RAB3IP: variants seen among roughly 807,000 people sequenced by gnomAD.
RAB3IP encodes the protein RAB3A interacting protein, also known as rab-3A-interacting protein.
RAB3IP carries 36 observed loss-of-function variants against 59.1 expected under a neutral mutation model. The observed-to-expected ratio is 0.61, with a 90% confidence interval of 0.47 to 0.80. RAB3IP has a LOEUF of 0.80. RAB3IP is among the 30% of genes least tolerant of loss of function. RAB3IP has a pLI of 0.00. For missense variants in RAB3IP, 511 were observed against 536.0 expected, an observed-to-expected ratio of 0.95 and a Z score of 0.46; for synonymous variants, 207 against 191.2, an observed-to-expected ratio of 1.08 and a Z score of -0.68.
intron 3 of RAB3IP, among the ~76,000 whole-genome samples, chr12:69,760,272 C>T (rs147179688): frequency 3.9e-5 from 6 of 152,234 alleles, no homozygotes; most frequent in Admixed American, 6.5e-5. Flanking sequence ...AGCAGGCACT[C>T]GGCAGGCTGA....
intron 3 of RAB3IP, among the ~76,000 whole-genome samples, chr12:69,760,162 A>C (rs370781710): frequency 6.6e-6 from 1 of 152,240 alleles, no homozygotes; most frequent in Non-Finnish European, 1.5e-5. Flanking sequence ...CGGATCACTC[A>C]CGGTTAGGAG....
At chr12:69,783,284 G>A (rs1158647040) in intron 3 of RAB3IP, among the ~76,000 whole-genome samples, 1 of 152,106 alleles carries the variant, frequency 6.6e-6, no homozygotes, top group East Asian at 1.9e-4. Flanking sequence ...GGTCAAAAAG[G>A]TTTTTCTTTT....
chr12:69,800,184 T>C (rs1160715442), intron 6 of RAB3IP, 25 bp from the exon 7 acceptor site: 6 of 1,491,190 alleles, frequency 4.0e-6, no homozygotes, highest in Admixed American at 2.6e-5. Flanking sequence ...AAAACATGTT[T>C]TTGTGTTTTC....
downstream of RAB3IP, chr12:69,823,202 T>G (rs1881953936): frequency 1.3e-5 from 2 of 152,290 alleles, no homozygotes; most frequent in East Asian, 3.9e-4. Context: ...ACCCACTGTT[T>G]AAGTGTATCT....
chr12:69,810,449 C>G (rs921608461), intron 8 of RAB3IP, among the ~76,000 whole-genome samples: 9 of 152,192 alleles, frequency 5.9e-5, no homozygotes, highest in Non-Finnish European at 1.2e-4. Flanking sequence ...AGAAATCACC[C>G]GTCTTCTGTG....
Position 69,741,098 on chromosome 12 carries a change from T to A in RAB3IP, c.-26+2067T>A, listed in dbSNP as rs189524025. Among the ~76,000 whole-genome samples, 22 of 152,332 alleles carry A rather than the reference T, an allele frequency of 1.4e-4. No homozygotes were observed. The East Asian group carries it at 3.9e-3, about 27-fold the overall frequency. On this transcript the variant is annotated intron_variant, in intron 1 of 10. Transcript: ENST00000247833. The stretch of plus-strand genomic sequence containing the variant: ...TTTCAACCTAATATGAACTTCATAA[T>A]GGTAAGATGAGGATTTAATAACATA...
In RAB3IP at chr12:69,809,723, G is replaced by C. The variant is rs146819983; in HGVS notation, c.1131-3055G>C. Among the ~76,000 whole-genome samples the C allele has an allele frequency of 4.4e-3, 675 of 152,264 alleles. 5 individuals are homozygous for C. The highest frequency in any genetic ancestry group is 0.016 in the African/African-American group (653 of 41,542). On this transcript the variant is annotated intron_variant, in intron 8 of 10. Coordinates refer to ENST00000247833, the MANE Select transcript of RAB3IP (RefSeq NM_022456.5). ...CTGAGGCTTGTGCATTCGTCACGTA[G>C]TTCTCATGCCATGGTTTTCAGCTCC...
upstream of RAB3IP, chr12:69,738,786 A>G (rs1193124515): frequency 3.6e-5 from 5 of 140,176 alleles, no homozygotes; most frequent in Non-Finnish European, 7.8e-5. Context: ...CCTGCCGGCC[A>G]CACCCCCCTA....
intron 3 of RAB3IP, among the ~76,000 whole-genome samples, chr12:69,762,790 A>G (rs1398189866): frequency 6.7e-6 from 1 of 148,236 alleles, no homozygotes; most frequent in Non-Finnish European, 1.5e-5. Context: ...GAAAAAAGAG[A>G]AAAAGAGAAA....
chr12:69,800,520 T>A (rs1341366141), intron 7 of RAB3IP, among the ~76,000 whole-genome samples, 183 bp downstream of exon 7: 1 of 152,184 alleles, frequency 6.6e-6, no homozygotes, highest in Non-Finnish European at 1.5e-5. Context: ...TTACTGAACA[T>A]CTTTTCTTAT....
At chr12:69,780,766 A>G (rs181205926) in intron 3 of RAB3IP, among the ~76,000 whole-genome samples, 2 of 151,880 alleles carry the variant, frequency 1.3e-5, no homozygotes, top group East Asian at 3.9e-4. Flanking sequence ...GGGCAGATGA[A>G]GCTTGCTGCC....
intron 1 of RAB3IP, among the ~76,000 whole-genome samples, chr12:69,750,549 T>G (rs1195421350): frequency 6.6e-6 from 1 of 151,586 alleles, no homozygotes; most frequent in East Asian, 1.9e-4. Flanking sequence ...CCTCGTTTTT[T>G]TTTTTTTTTT....
chr12:69,806,686 G>A (rs1343069251), intron 8 of RAB3IP, among the ~76,000 whole-genome samples: 2 of 150,812 alleles, frequency 1.3e-5, no homozygotes, highest in South Asian at 2.1e-4. Flanking sequence ...ATAAACACGT[G>A]AACAAAGGTC....
At chr12:69,788,776 A>G (rs530539841) in intron 4 of RAB3IP, among the ~76,000 whole-genome samples, 98 of 152,240 alleles carry the variant, frequency 6.4e-4, no homozygotes, top group Middle Eastern at 6.8e-3. Flanking sequence ...GTGCACATGA[A>G]ACATTCTCCA....
At position 69,785,634 on chromosome 12, in the gene RAB3IP, T is replaced by C. The variant is rs546212053; in HGVS notation, c.606+819T>C. On this transcript the variant is annotated intron_variant, in intron 4 of 10. Transcript: ENST00000247833. ...GGAGCGGCACCCTTTTTTGTTCTAT[T>C]CAGGCCATCAACTGATTGGATGAGG... Among the ~76,000 whole-genome samples, 20 of 152,296 alleles carry C rather than the reference T, an allele frequency of 1.3e-4. No individual in the cohort carries two copies. The East Asian group carries it at 1.5e-3, about 12-fold the overall frequency.
At position 69,771,735 on chromosome 12, in the gene RAB3IP, G is replaced by C. The variant is rs1268316007; in HGVS notation, c.511-12985G>C. Reference sequence around the variant, plus strand: ...AACCTCCATACTGTTGTCTGTAATGGCTGTACTAATTTATATTACCACCAA... The same window carrying C: ...AACCTCCATACTGTTGTCTGTAATGCCTGTACTAATTTATATTACCACCAA... On this transcript the variant is annotated intron_variant, in intron 3 of 10. Transcript: ENST00000247833. Among the ~76,000 whole-genome samples the C allele has an allele frequency of 3.3e-5, 5 of 152,100 alleles. No homozygotes were observed. In the East Asian group the frequency reaches 7.7e-4, roughly 23 times the overall value.
At chr12:69,768,264 G>T (rs1002861020) in intron 3 of RAB3IP, among the ~76,000 whole-genome samples, 2 of 152,074 alleles carry the variant, frequency 1.3e-5, no homozygotes. Flanking sequence ...CACAGTCTAT[G>T]TCCAGGAAAG....
intron 1 of RAB3IP, among the ~76,000 whole-genome samples, chr12:69,747,110 TTAGTGA>T (rs1318798279): frequency 6.6e-6 from 1 of 152,220 alleles, no homozygotes; most frequent in African/African-American, 2.4e-5. Context: ...CTTTTTGTTC[TTAGTGA>T]TAGTGCTTGT....
chr12:69,739,691 C>G lies in RAB3IP; in HGVS notation c.-26+660C>G, dbSNP rs937398598. Reference sequence around the variant, plus strand: ...AGCTCCGTGCCGCCAGACTTGTGTTCGGGGGAGTTGAGACGAACTGCACGG... The same window carrying G: ...AGCTCCGTGCCGCCAGACTTGTGTTGGGGGGAGTTGAGACGAACTGCACGG... On this transcript the variant is annotated intron_variant, in intron 1 of 10. Transcript: ENST00000247833. 32 of 713,896 alleles carry G rather than the reference C, an allele frequency of 4.5e-5. No individual in the cohort carries two copies. In the African/African-American group the frequency reaches 5.5e-4, roughly 12 times the overall value. 44.2% of individuals were successfully genotyped at this position (713,896 alleles called of 1,614,324 possible).
Sources: allele counts gnomAD v4.1 joint callset (sites outside exome capture counted in the v4.1 genomes callset), GRCh38; gene constraint gnomAD v4.1.1; transcripts MANE v1.5; gene names NCBI Gene and HGNC (gene_info 2026-07-23, HGNC 2026-07-21).